The following CDH13 variants were observed in gnomAD, a reference collection of about 807,000 sequenced individuals.
CDH13 encodes cadherin-13.
CDH13 carries 24 observed loss-of-function variants against 63.8 expected under a neutral mutation model. That is an observed-to-expected ratio of 0.38 (90% CI 0.27 to 0.53). The LOEUF (loss-of-function observed/expected upper bound fraction) is 0.53, where lower values mean the gene tolerates loss of function less well. Among genes scored for constraint, CDH13 ranks in the 20% least tolerant of loss-of-function variants. The pLI is 0.85. For synonymous variants in CDH13, 503 were observed against 355.3 expected (o/e 1.42, Z -4.67); for missense variants, 1,049 against 903.1 (o/e 1.16, Z -2.07).
Position 83,628,023 on chromosome 16 carries a change from G to A in CDH13, c.1101+25429G>A, listed in dbSNP as rs192534777. ...CTGTCATAGCGCTGGTGGGAGTGTA[G>A]CAGTGAGGACGACTGGAGGTCACTC... is the stretch of plus-strand genomic sequence containing the variant. On this transcript the variant is annotated intron_variant, in intron 8 of 13. Coordinates refer to ENST00000567109, the MANE Select transcript of CDH13 (RefSeq NM_001257.5). 1.1e-3 allele frequency among the ~76,000 whole-genome samples: 172 copies of A among 152,286 alleles called. 1 individual carries two copies. Among genetic ancestry groups the A allele is most frequent in the Middle Eastern group, 3.4e-3 (1 of 294 alleles).
Position 83,565,505 on chromosome 16 carries a change from T to G in CDH13, c.961-36949T>G, listed in dbSNP as rs371722287. ...ACTCCTTGAGGACATTTGGTGACAT[T>G]TAATTCATCTCCTGTTCTCTGCTTG... On this transcript the variant is annotated intron_variant, in intron 7 of 13. Transcript: ENST00000567109. Among the ~76,000 whole-genome samples the G allele has an allele frequency of 3.3e-5, 5 of 152,048 alleles. No homozygotes were observed. The South Asian group carries it at 8.3e-4, about 25-fold the overall frequency.
At chr16:83,549,887 CAG>C (rs1351017877) in intron 7 of CDH13, among the ~76,000 whole-genome samples, 2 of 152,040 alleles carry the variant, frequency 1.3e-5, no homozygotes, top group Non-Finnish European at 2.9e-5. Context: ...GAGAGAGAGA[CAG>C]AGAGGGGAAG....
intron 4 of CDH13, among the ~76,000 whole-genome samples, chr16:83,140,811 C>T (rs916832695): frequency 2.0e-5 from 3 of 152,198 alleles, no homozygotes; most frequent in Non-Finnish European, 4.4e-5. Context: ...GAGCACCTCA[C>T]GATTTTTGTT....
intron 2 of CDH13, among the ~76,000 whole-genome samples, chr16:82,974,617 A>G (rs541518613): frequency 7.6e-4 from 115 of 152,286 alleles, no homozygotes; most frequent in African/African-American, 2.5e-3. Flanking sequence ...TTGAGAGATC[A>G]TGTTGGACGA....
chr16:83,708,751 G>A (rs889270931), intron 10 of CDH13, among the ~76,000 whole-genome samples: 1 of 152,190 alleles, frequency 6.6e-6, no homozygotes, highest in Non-Finnish European at 1.5e-5. Context: ...AGGGCCAAGC[G>A]CGGTGGCTCA....
intron 1 of CDH13, among the ~76,000 whole-genome samples, chr16:82,681,660 CCTCACCTTTCTGCCAG>C: frequency 6.6e-6 from 1 of 152,356 alleles, no homozygotes; most frequent in Admixed American, 6.5e-5. Flanking sequence ...CGTTGCATTC[CCTCACCTTTCTGCCAG>C]CTCAGCTTCC....
intron 7 of CDH13, among the ~76,000 whole-genome samples, chr16:83,511,821 G>C (rs777130134): frequency 1.3e-5 from 2 of 152,112 alleles, no homozygotes; most frequent in African/African-American, 4.8e-5. Context: ...AAATAAGCCC[G>C]ACACCCATAG....
chr16:82,977,402 T>C (rs1909665497), intron 2 of CDH13, among the ~76,000 whole-genome samples: 1 of 152,194 alleles, frequency 6.6e-6, no homozygotes, highest in African/African-American at 2.4e-5. Flanking sequence ...CCAAATCTCA[T>C]CTTGAATTGT....
chr16:83,574,760 A>G (rs1904955600), intron 7 of CDH13, among the ~76,000 whole-genome samples: 8 of 152,134 alleles, frequency 5.3e-5, no homozygotes, highest in Admixed American at 4.6e-4. Flanking sequence ...TGTAACAACA[A>G]CTTTCTATGA....
chr16:82,822,225 A>G (rs897147599), intron 1 of CDH13, among the ~76,000 whole-genome samples: 6 of 152,244 alleles, frequency 3.9e-5, no homozygotes, highest in Non-Finnish European at 8.8e-5. Context: ...AATGCTTCCA[A>G]ATGTCTATCA....
chr16:83,421,076 A>T (rs1273977609), intron 6 of CDH13, among the ~76,000 whole-genome samples: 1 of 152,154 alleles, frequency 6.6e-6, no homozygotes, highest in Non-Finnish European at 1.5e-5. Flanking sequence ...AGTGGATAAG[A>T]TTAATAAGGG....
intron 2 of CDH13, among the ~76,000 whole-genome samples, chr16:82,950,595 A>G (rs1905192761): frequency 6.6e-6 from 1 of 152,102 alleles, no homozygotes; most frequent in Non-Finnish European, 1.5e-5. Context: ...GCCTTTCACC[A>G]TGATTGTGAG....
chr16:83,518,406 A>C (rs1288707144), intron 7 of CDH13, among the ~76,000 whole-genome samples: 3 of 150,906 alleles, frequency 2.0e-5, no homozygotes, highest in Non-Finnish European at 2.9e-5. Flanking sequence ...CGGCCTCCCA[A>C]AGTGCTGAGA....
intron 6 of CDH13, among the ~76,000 whole-genome samples, chr16:83,350,594 C>G (rs2090932920): frequency 6.6e-6 from 1 of 152,160 alleles, no homozygotes; most frequent in Non-Finnish European, 1.5e-5. Flanking sequence ...CAAGCATCTA[C>G]TCTGTGCTGG....
chr16:83,788,008 T>C (rs569171350), intron 13 of CDH13, among the ~76,000 whole-genome samples: 1 of 152,356 alleles, frequency 6.6e-6, no homozygotes, highest in South Asian at 2.1e-4. Flanking sequence ...AGAGCAGTAC[T>C]TCCTATGTGA....
chr16:82,670,928 T>G (rs1337137546), intron 1 of CDH13, among the ~76,000 whole-genome samples: 1 of 152,236 alleles, frequency 6.6e-6, no homozygotes, highest in Non-Finnish European at 1.5e-5. Flanking sequence ...TCACCGAGGC[T>G]TCTCTGTATT....
At chr16:82,802,558 G>A (rs1418266791) in intron 1 of CDH13, among the ~76,000 whole-genome samples, 1 of 152,120 alleles carries the variant, frequency 6.6e-6, no homozygotes, top group Non-Finnish European at 1.5e-5. Context: ...GCAGAAGCAT[G>A]TGCATGATGT....
At chr16:82,676,038 A>G (rs568788245) in intron 1 of CDH13, among the ~76,000 whole-genome samples, 1 of 152,202 alleles carries the variant, frequency 6.6e-6, no homozygotes, top group African/African-American at 2.4e-5. Flanking sequence ...GGAGGGAGAA[A>G]AGATTGATTA....
At chr16:82,998,663 C>T (rs1912518246) in intron 2 of CDH13, among the ~76,000 whole-genome samples, 1 of 152,144 alleles carries the variant, frequency 6.6e-6, no homozygotes, top group Non-Finnish European at 1.5e-5. Flanking sequence ...AATTAGCAGA[C>T]ATTGATCTTG....
Sources: allele counts gnomAD v4.1 joint callset (sites outside exome capture counted in the v4.1 genomes callset), GRCh38; gene constraint gnomAD v4.1.1; transcripts MANE v1.5; gene names NCBI Gene and HGNC (gene_info 2026-07-23, HGNC 2026-07-21).